The following SFMBT1 variants were observed in gnomAD, a reference collection of about 807,000 sequenced individuals.
SFMBT1 encodes the protein scm-like with four MBT domains protein 1.
Under a neutral mutation model 108.7 loss-of-function variants are expected in SFMBT1, and 32 were observed. The observed-to-expected ratio is 0.29, with a 90% CI of 0.22 to 0.40. SFMBT1 has a LOEUF of 0.40. SFMBT1 is among the 10% of genes least tolerant of loss of function. SFMBT1 has a pLI of 1.00. For synonymous variants in SFMBT1, 348 were observed against 369.5 expected, an observed-to-expected ratio of 0.94 and a Z score of 0.67; for missense variants, 816 against 1,059.6, an observed-to-expected ratio of 0.77 and a Z score of 3.19.
chr3:53,044,466 CAA>C (rs66926262), intron 1 of SFMBT1, among the ~76,000 whole-genome samples: 78,371 of 151,860 alleles, frequency 0.52, 20,871 homozygotes, highest in Middle Eastern at 0.64. Flanking sequence ...ACATCGCAAA[CAA>C]ATCTTAACTC....
intron 1 of SFMBT1, among the ~76,000 whole-genome samples, chr3:53,041,850 C>T (rs1700067609): frequency 6.6e-6 from 1 of 152,034 alleles, no homozygotes; most frequent in Non-Finnish European, 1.5e-5. Context: ...ACACTTTTAT[C>T]CCATTTAATA....
intron 3 of SFMBT1, among the ~76,000 whole-genome samples, chr3:52,948,344 A>AG (rs1703445891): frequency 6.6e-6 from 1 of 152,130 alleles, no homozygotes. Context: ...CTTGATATCT[A>AG]GTACAGCAAG....
chr3:53,008,931 G>A (rs139791785), intron 1 of SFMBT1, among the ~76,000 whole-genome samples: 9 of 150,878 alleles, frequency 6.0e-5, no homozygotes, highest in Non-Finnish European at 1.0e-4. Context: ...CACCGTGCCC[G>A]GCCGGAAGAT....
chr3:53,008,038 G>A (rs1698806009), intron 1 of SFMBT1, among the ~76,000 whole-genome samples: 1 of 148,432 alleles, frequency 6.7e-6, no homozygotes, highest in Admixed American at 6.8e-5. Context: ...ATGTGAATCT[G>A]AACTGAATCC....
chr3:52,996,172 A>G (rs1409429047), intron 1 of SFMBT1, among the ~76,000 whole-genome samples: 2 of 144,132 alleles, frequency 1.4e-5, no homozygotes, highest in Non-Finnish European at 3.1e-5. Flanking sequence ...CCTAATATGG[A>G]TTTATATCAA....
intron 1 of SFMBT1, among the ~76,000 whole-genome samples, chr3:53,001,322 TAG>T (rs1321499091): frequency 4.7e-5 from 7 of 150,306 alleles, no homozygotes; most frequent in Admixed American, 2.0e-4. Flanking sequence ...TCCTAGCTAC[TAG>T]AGAGACTGAG....
chr3:53,012,417 T>TCC (rs766829627), intron 1 of SFMBT1, among the ~76,000 whole-genome samples: 27 of 151,106 alleles, frequency 1.8e-4, no homozygotes, highest in African/African-American at 6.1e-4. Flanking sequence ...TTTTTTTTTT[T>TCC]CCCGAGACGG....
At chr3:52,977,180 A>T (rs1368168300) in intron 1 of SFMBT1, among the ~76,000 whole-genome samples, 1 of 152,230 alleles carries the variant, frequency 6.6e-6, no homozygotes, top group Non-Finnish European at 1.5e-5. Context: ...CAAAGTAGCA[A>T]GAACCAAAAT....
At chr3:52,921,595 A>G in intron 11 of SFMBT1, 110 bp downstream of exon 11, 1 of 1,214,858 alleles carries the variant, frequency 8.2e-7, no homozygotes, top group Non-Finnish European at 1.1e-6. Flanking sequence ...GTCTCTGAAC[A>G]AGATCCCTAT....
At chr3:53,029,406 A>C (rs984331047) in intron 1 of SFMBT1, among the ~76,000 whole-genome samples, 1 of 152,206 alleles carries the variant, frequency 6.6e-6, no homozygotes, top group Admixed American at 6.5e-5. Context: ...CAACACTGTA[A>C]GATTCAACTA....
At chr3:52,979,570 G>C (rs540794307) in intron 1 of SFMBT1, among the ~76,000 whole-genome samples, 3 of 152,188 alleles carry the variant, frequency 2.0e-5, no homozygotes, top group African/African-American at 7.2e-5. Context: ...ATTAAAATCC[G>C]GTCACAAGAC....
intron 1 of SFMBT1, among the ~76,000 whole-genome samples, chr3:53,004,688 A>G (rs1698678978): frequency 6.6e-6 from 1 of 150,394 alleles, no homozygotes; most frequent in East Asian, 1.9e-4. Context: ...TTGAGACACA[A>G]CTTCTTGTGT....
chr3:52,968,295 T>C (rs529963782), intron 2 of SFMBT1, among the ~76,000 whole-genome samples: 17 of 152,280 alleles, frequency 1.1e-4, no homozygotes, highest in African/African-American at 4.1e-4. Context: ...GGAAGGAGGA[T>C]AGGTGTGGGA....
Position 52,921,802 on chromosome 3 carries a change from G to A in SFMBT1, c.1161C>T (p.Asn387=). The A allele has an allele frequency of 6.2e-7, 1 of 1,613,972 alleles. No homozygotes were observed. Among genetic ancestry groups the A allele is most frequent in the Middle Eastern group, 1.7e-4 (1 of 5,936 alleles). Residue 387 remains asparagine (N), a synonymous_variant, in exon 11 of 21, where the codon AAC becomes AAT. Coordinates refer to ENST00000394752, the MANE Select transcript of SFMBT1 (RefSeq NM_016329.4). The stretch of plus-strand genomic sequence containing the variant: ...TGGGGTTCACCGCCTCGAGCTTCAT[G>A]TTCTCCTTAAATTCATGTTCAGAAA... The part of the protein sequence containing the change: ...PLISEHEFKE[N]MKLEAVNPIL...
chr3:52,926,246 G>GAT, intron 9 of SFMBT1, 133 bp from the exon 10 acceptor site: 1 of 508,106 alleles, frequency 2.0e-6, no homozygotes, highest in Non-Finnish European at 3.4e-6. Flanking sequence ...TTAGAGGGGC[G>GAT]AAAAGCATTC....
At chr3:52,980,693 C>A (rs571678522) in intron 1 of SFMBT1, among the ~76,000 whole-genome samples, 4 of 151,254 alleles carry the variant, frequency 2.6e-5, no homozygotes, top group Admixed American at 1.3e-4. Flanking sequence ...ATTTGTGAAG[C>A]CATCACTGCA....
intron 1 of SFMBT1, among the ~76,000 whole-genome samples, chr3:53,019,748 T>G (rs892858470): frequency 6.6e-6 from 1 of 152,150 alleles, no homozygotes; most frequent in African/African-American, 2.4e-5. Context: ...CTTTCCGCAT[T>G]TGGAAGTCCA....
intron 4 of SFMBT1, among the ~76,000 whole-genome samples, chr3:52,941,921 T>G (rs1011072255): frequency 2.0e-5 from 3 of 151,870 alleles, no homozygotes; most frequent in African/African-American, 4.8e-5. Flanking sequence ...TAGAACGAAA[T>G]TATCTTAAAT....
intron 2 of SFMBT1, among the ~76,000 whole-genome samples, chr3:52,965,325 T>TAAA (rs11399843): frequency 7.0e-6 from 1 of 143,638 alleles, no homozygotes; most frequent in East Asian, 2.1e-4. Flanking sequence ...GAGAAAACAT[T>TAAA]AAAAAAAAAA....
Sources: gnomAD v4.1 joint callset for allele counts (sites outside exome capture counted in the v4.1 genomes callset) on GRCh38, gnomAD v4.1.1 for gene constraint, MANE v1.5 for transcripts, NCBI Gene and HGNC (gene_info 2026-07-23, HGNC 2026-07-21) for gene names.